The following FOXN3 variants were observed in gnomAD, a reference collection of about 807,000 sequenced individuals.
FOXN3 encodes the protein forkhead box N3.
A neutral mutation model predicts 38.4 loss-of-function variants in FOXN3; 7 were observed. That is an observed-to-expected ratio of 0.18 (90% confidence interval 0.10 to 0.34). The LOEUF (loss-of-function observed/expected upper bound fraction) is 0.34. Ranked by LOEUF, FOXN3 falls within the 10% of genes least tolerant of loss-of-function variation. The pLI, the probability that FOXN3 is intolerant of heterozygous loss-of-function variation, is 1.00. For missense variants in FOXN3, 456 were observed against 613.4 expected (o/e 0.74, Z 2.71); for synonymous variants, 230 against 242.2 (o/e 0.95, Z 0.47).
At chr14:89,458,493 A>T (rs1892774476) in intron 1 of FOXN3, among the ~76,000 whole-genome samples, 1 of 152,198 alleles carries the variant, frequency 6.6e-6, no homozygotes, top group Non-Finnish European at 1.5e-5. Flanking sequence ...GGTCTTCATG[A>T]TGCCCTCTTA....
intron 3 of FOXN3, among the ~76,000 whole-genome samples, chr14:89,293,958 A>T (rs1436036863): frequency 2.3e-4 from 35 of 152,198 alleles, no homozygotes; most frequent in Admixed American, 2.3e-3. Context: ...GCAAAGAACA[A>T]AACAGAAGAA....
At chr14:89,401,506 C>A in intron 2 of FOXN3, 1 of 448,380 alleles carries the variant, frequency 2.2e-6, no homozygotes, top group Non-Finnish European at 4.5e-6. Flanking sequence ...ACTTTACAAG[C>A]CTCAAAGGAA....
At chr14:89,607,079 G>C (rs1236447890) in intron 1 of FOXN3, among the ~76,000 whole-genome samples, 3 of 152,186 alleles carry the variant, frequency 2.0e-5, no homozygotes, top group African/African-American at 7.2e-5. Context: ...AAATGTTAAA[G>C]TCTGACAATA....
intron 1 of FOXN3, among the ~76,000 whole-genome samples, chr14:89,434,657 T>G (rs1356887137): frequency 6.6e-6 from 1 of 152,000 alleles, no homozygotes; most frequent in Non-Finnish European, 1.5e-5. Flanking sequence ...GCTGTAGAGG[T>G]ACCCATTTTC....
At chr14:89,281,694 CT>C (rs1046696652) in intron 3 of FOXN3, among the ~76,000 whole-genome samples, 5 of 152,174 alleles carry the variant, frequency 3.3e-5, no homozygotes, top group African/African-American at 1.2e-4. Context: ...AGCATTTTCA[CT>C]GTTTTAAGAC....
At chr14:89,423,184 G>C (rs958888610) in intron 1 of FOXN3, among the ~76,000 whole-genome samples, 4 of 152,178 alleles carry the variant, frequency 2.6e-5, no homozygotes, top group African/African-American at 4.8e-5. Flanking sequence ...CACACACACA[G>C]AGTCTAATAC....
At chr14:89,468,458 C>T (rs1013143511) in intron 1 of FOXN3, among the ~76,000 whole-genome samples, 3 of 150,134 alleles carry the variant, frequency 2.0e-5, no homozygotes, top group Non-Finnish European at 4.5e-5. Context: ...TGTCTCAAAA[C>T]ACACACACAC....
At chr14:89,184,403 G>T (rs1389775104) in intron 4 of FOXN3, among the ~76,000 whole-genome samples, 1 of 152,232 alleles carries the variant, frequency 6.6e-6, no homozygotes, top group African/African-American at 2.4e-5. Context: ...CCCCTGGGGA[G>T]AGTGTGGCAT....
At position 89,160,351 on chromosome 14, in the gene FOXN3, T is replaced by C. The variant is rs1452681473; in HGVS notation, c.*2063A>G. On this transcript the variant is annotated 3_prime_UTR_variant, in exon 6 of 6. Coordinates refer to ENST00000557258, the MANE Select transcript of FOXN3 (RefSeq NM_005197.4). ...GGTCTTAATTCCAGGTTGGTCAGTG[T>C]GCTGAAGGTAGCGATGGCCGGCCCC... 1.3e-5 allele frequency: 2 copies of C among 152,150 alleles called. No individual in the cohort carries two copies. Among genetic ancestry groups the C allele is most frequent in the Non-Finnish European group, 2.9e-5 (2 of 67,994 alleles). 9.4% of individuals were successfully genotyped at this position (152,150 alleles called of 1,614,324 possible).
At chr14:89,302,210 G>A (rs1207799349) in intron 3 of FOXN3, among the ~76,000 whole-genome samples, 1 of 152,174 alleles carries the variant, frequency 6.6e-6, no homozygotes, top group African/African-American at 2.4e-5. Flanking sequence ...TCCTCTCCTG[G>A]AAGTGAACTG....
chr14:89,360,310 G>C (rs1013191980), intron 2 of FOXN3, among the ~76,000 whole-genome samples: 1 of 148,268 alleles, frequency 6.7e-6, no homozygotes, highest in South Asian at 2.2e-4. Flanking sequence ...TGGAGAGAGA[G>C]AGGGGAAGAA....
chr14:89,465,955 A>T (rs772451964), intron 1 of FOXN3, among the ~76,000 whole-genome samples: 1 of 152,236 alleles, frequency 6.6e-6, no homozygotes, highest in Admixed American at 6.5e-5. Context: ...ACAGAATATC[A>T]GGGTCATTCC....
At chr14:89,346,329 C>T (rs1362510046) in intron 3 of FOXN3, among the ~76,000 whole-genome samples, 1 of 152,120 alleles carries the variant, frequency 6.6e-6, no homozygotes, top group African/African-American at 2.4e-5. Flanking sequence ...TTTTCTGTTC[C>T]AGGATCCCAT....
chr14:89,480,504 A>C (rs929150327), intron 1 of FOXN3, among the ~76,000 whole-genome samples: 1 of 152,104 alleles, frequency 6.6e-6, no homozygotes, highest in Non-Finnish European at 1.5e-5. Flanking sequence ...CTGTGTCTCA[A>C]AGCATCAGAC....
At chr14:89,265,583 C>T (rs539176042) in intron 4 of FOXN3, among the ~76,000 whole-genome samples, 2 of 152,182 alleles carry the variant, frequency 1.3e-5, no homozygotes, top group African/African-American at 4.8e-5. Flanking sequence ...GGATGGAGGG[C>T]TCTCCACCTG....
chr14:89,505,319 T>G (rs1372565771), intron 1 of FOXN3, among the ~76,000 whole-genome samples: 5 of 136,742 alleles, frequency 3.7e-5, no homozygotes, highest in Admixed American at 2.2e-4. Context: ...CTCCCTCTGA[T>G]GCCGAGCCGA....
At chr14:89,498,018 A>AT (rs1172772169) in intron 1 of FOXN3, among the ~76,000 whole-genome samples, 7 of 151,876 alleles carry the variant, frequency 4.6e-5, no homozygotes, top group Non-Finnish European at 7.4e-5. Flanking sequence ...GACATTGAGC[A>AT]TTTTTTTAAC....
At chr14:89,578,077 G>A (rs1452634609) in intron 1 of FOXN3, among the ~76,000 whole-genome samples, 1 of 152,050 alleles carries the variant, frequency 6.6e-6, no homozygotes, top group East Asian at 1.9e-4. Flanking sequence ...TTTCAACCTT[G>A]AAAGACATAT....
At chr14:89,311,561 T>A (rs1887549333) in intron 3 of FOXN3, among the ~76,000 whole-genome samples, 1 of 149,488 alleles carries the variant, frequency 6.7e-6, no homozygotes, top group African/African-American at 2.5e-5. Flanking sequence ...GTGCAGTGGC[T>A]CATGCCTGTA....
Sources: allele counts gnomAD v4.1 joint callset (sites outside exome capture counted in the v4.1 genomes callset), GRCh38; gene constraint gnomAD v4.1.1; transcripts MANE v1.5; gene names NCBI Gene and HGNC (gene_info 2026-07-23, HGNC 2026-07-21).